Variants in PARVB observed in about 807,000 individuals in gnomAD.
PARVB encodes the protein beta-parvin.
Under a neutral mutation model 47.0 loss-of-function variants are expected in PARVB, and 46 were observed. The ratio of observed to expected loss-of-function variants is 0.98; its 90% CI spans 0.77 to 1.25. The LOEUF (loss-of-function observed/expected upper bound fraction) is 1.25. PARVB is among the 50% of genes most tolerant of loss of function. The pLI is 0.00. For missense variants in PARVB, 473 were observed against 471.6 expected, an observed-to-expected ratio of 1.00 and a Z score of -0.03; for synonymous variants, 196 against 196.3, an observed-to-expected ratio of 1.00 and a Z score of 0.01.
intron 2 of PARVB, among the ~76,000 whole-genome samples, chr22:44,098,181 G>T (rs1184373769): frequency 6.6e-6 from 1 of 152,158 alleles, no homozygotes; most frequent in East Asian, 1.9e-4. Flanking sequence ...CTCTCTGAAG[G>T]CTGGGATTGG....
chr22:44,144,789 TG>T (rs2053628622), intron 8 of PARVB: 1 of 152,268 alleles, frequency 6.6e-6, no homozygotes, highest in African/African-American at 2.4e-5. Context: ...AGTGAGACTC[TG>T]TCTCAAAAAG....
chr22:44,068,703 C>A lies in PARVB; in HGVS notation c.113-25225C>A, dbSNP rs945518883. Among the ~76,000 whole-genome samples, 7 of 152,208 alleles carry A rather than the reference C, an allele frequency of 4.6e-5. No individual in the cohort carries two copies. The highest frequency in any genetic ancestry group is 7.3e-5 in the Non-Finnish European group (5 of 68,034). On this transcript the variant is annotated intron_variant, in intron 1 of 12. Coordinates refer to ENST00000338758, the MANE Select transcript of PARVB (RefSeq NM_013327.5). This position sits in a 1 kb window ranked among gnomAD's most constrained non-coding sequence, Gnocchi z 4.1. ...CTTGCCGGGGGTCAGGCAGAGGAGA[C>A]CCAGCTCCGTGCCAGCTTGCAGACC...
At chr22:44,032,363 T>C (rs1300311282) in intron 1 of PARVB, among the ~76,000 whole-genome samples, 1 of 152,040 alleles carries the variant, frequency 6.6e-6, no homozygotes, top group African/African-American at 2.4e-5. Context: ...TGACTAAGAG[T>C]GTCTGGGCCG....
chr22:44,102,885 C>G (rs546155924), intron 3 of PARVB: 1 of 152,502 alleles, frequency 6.6e-6, no homozygotes, highest in East Asian at 1.9e-4. Flanking sequence ...CTCCCCACCC[C>G]CAGGTGCTGG....
intron 2 of PARVB, chr22:43,999,792 T>C: frequency 1.7e-6 from 1 of 593,208 alleles, no homozygotes; most frequent in Non-Finnish European, 3.0e-6. Context: ...AGCCCAGGAA[T>C]TTGAGACTAC....
At chr22:44,074,290 C>T (rs1254057630) in intron 1 of PARVB, among the ~76,000 whole-genome samples, 1 of 152,214 alleles carries the variant, frequency 6.6e-6, no homozygotes, top group Non-Finnish European at 1.5e-5. Flanking sequence ...GCACGACGGC[C>T]TGGGTGAGCA....
intron 12 of PARVB, chr22:44,168,098 GAA>G (rs1569168955): frequency 6.8e-5 from 11 of 162,642 alleles, no homozygotes; most frequent in Non-Finnish European, 9.5e-5. Context: ...TTTTACAGAT[GAA>G]GGCACTGAGC....
At chr22:44,037,377 C>T (rs760045452) in intron 1 of PARVB, among the ~76,000 whole-genome samples, 2 of 152,058 alleles carry the variant, frequency 1.3e-5, no homozygotes, top group South Asian at 2.1e-4. Context: ...GAGCTGAGAT[C>T]GTGCCACTTT....
At chr22:44,099,385 G>A (rs754286034) in intron 2 of PARVB, among the ~76,000 whole-genome samples, 1 of 152,192 alleles carries the variant, frequency 6.6e-6, no homozygotes, top group East Asian at 1.9e-4. Context: ...CTGTCTCCAC[G>A]GCACTGTCCT....
At chr22:44,117,393 G>C (rs535815894) in intron 3 of PARVB, among the ~76,000 whole-genome samples, 1 of 152,090 alleles carries the variant, frequency 6.6e-6, no homozygotes, top group South Asian at 2.1e-4. Context: ...CATGGGGGGT[G>C]GGGGAGGCAG....
intron 1 of PARVB, among the ~76,000 whole-genome samples, chr22:44,055,838 A>G (rs1411466712): frequency 6.6e-6 from 1 of 152,104 alleles, no homozygotes; most frequent in Non-Finnish European, 1.5e-5. Flanking sequence ...GAATCCCCTT[A>G]CCCTGCCTTT....
At chr22:44,126,528 C>G (rs1026195165) in intron 4 of PARVB, among the ~76,000 whole-genome samples, 1 of 152,156 alleles carries the variant, frequency 6.6e-6, no homozygotes, top group South Asian at 2.1e-4. Flanking sequence ...CTGATGCTGT[C>G]TGAAGGGATA....
chr22:44,051,181 A>G (rs1440490717), intron 1 of PARVB, among the ~76,000 whole-genome samples: 2 of 152,242 alleles, frequency 1.3e-5, no homozygotes, highest in Non-Finnish European at 2.9e-5. Flanking sequence ...CTCGTGGAAA[A>G]GGTCTCATTT....
rs564778086 is a variant in PARVB at position 44,163,752 on chromosome 22, C to T, written c.946-106C>T. On this transcript the variant is annotated intron_variant, in intron 11 of 12. Transcript: ENST00000338758. ...CTCACTGGGTCCTTGTGGACGTCAG[C>T]GTTGCAGAGGCTCGGTCCTGTCCAT... 1.7e-3 allele frequency: 1,582 copies of T among 926,770 alleles called. 6 individuals are homozygous for T. Among genetic ancestry groups the T allele is most frequent in the Middle Eastern group, 6.6e-3 (26 of 3,962 alleles). 57.4% of individuals were successfully genotyped at this position (926,770 alleles called of 1,614,324 possible).
At chr22:44,053,430 C>G (rs9614316) in intron 1 of PARVB, among the ~76,000 whole-genome samples, 17,706 of 152,144 alleles carry the variant, frequency 0.12, 1,331 homozygotes, top group Middle Eastern at 0.21. Context: ...TTAAAGGATT[C>G]GGCTGCTGCT....
At chr22:44,166,195 C>T (rs1377549430) in intron 12 of PARVB, among the ~76,000 whole-genome samples, 1 of 152,170 alleles carries the variant, frequency 6.6e-6, no homozygotes, top group Non-Finnish European at 1.5e-5. Context: ...CTGCAATCTC[C>T]GCCTCCTAGG....
Position 43,999,216 on chromosome 22 carries a change from G to A in PARVB, c.-125G>A, listed in dbSNP as rs1219164488. 4.2e-6 allele frequency: 3 copies of A among 719,006 alleles called. No homozygotes were observed. The Admixed American group carries it at 8.4e-5, about 20-fold the overall frequency. The allele number at this position is 719,006 out of a possible 1,614,324, so 44.5% of individuals were successfully genotyped here. ...TTCCCATTGGGTGACTCCTGCAAAG[G>A]CCCTACACTTTGACGTCCTCCCCAT... On this transcript the variant is annotated 5_prime_UTR_variant, in exon 1 of 14. Transcript: ENST00000406477.
At chr22:44,052,073 A>G (rs893068455) in intron 1 of PARVB, among the ~76,000 whole-genome samples, 2 of 152,168 alleles carry the variant, frequency 1.3e-5, no homozygotes, top group African/African-American at 4.8e-5. Context: ...CTGGGAGAGA[A>G]TCGACGTCTG....
chr22:44,074,741 A>G (rs1224347027), intron 1 of PARVB, among the ~76,000 whole-genome samples: 1 of 152,170 alleles, frequency 6.6e-6, no homozygotes, highest in Non-Finnish European at 1.5e-5. Flanking sequence ...CGGCAGTCCC[A>G]GGCCAGGCCA....
Sources: allele counts gnomAD v4.1 joint callset (sites outside exome capture counted in the v4.1 genomes callset), GRCh38; gene constraint gnomAD v4.1.1; non-coding constraint Gnocchi (gnomAD v3.1); transcripts MANE v1.5; gene names NCBI Gene and HGNC (gene_info 2026-07-23, HGNC 2026-07-21).